CRCP: variants seen among roughly 807,000 people sequenced by gnomAD.
CRCP encodes the protein CGRP receptor component.
Under a neutral mutation model 18.5 loss-of-function variants are expected in CRCP, and 18 were observed. The ratio of observed to expected loss-of-function variants is 0.97; its 90% CI spans 0.67 to 1.44. The LOEUF (loss-of-function observed/expected upper bound fraction) is 1.44, where lower values mean the gene tolerates loss of function less well. Ranked by LOEUF, CRCP falls within the 40% of genes most tolerant of loss-of-function variation. CRCP has a pLI of 0.00. For missense variants in CRCP, 130 were observed against 176.4 expected (o/e 0.74, Z 1.49); for synonymous variants, 53 against 62.9 (o/e 0.84, Z 0.75).
intron 1 of CRCP, among the ~76,000 whole-genome samples, chr7:66,121,877 C>G (rs1787453045): frequency 6.6e-6 from 1 of 152,084 alleles, no homozygotes; most frequent in African/African-American, 2.4e-5. Flanking sequence ...AACTCAGTAA[C>G]AGGACTGGAA....
At position 66,114,878 on chromosome 7, in the gene CRCP, T is replaced by G. The variant is rs767753584; in HGVS notation, c.-85T>G. 6.2e-7 allele frequency: 1 copy of G among 1,608,308 alleles called. No individual in the cohort carries two copies. Among genetic ancestry groups the G allele is most frequent in the Non-Finnish European group, 8.5e-7 (1 of 1,175,620 alleles). On this transcript the variant is annotated 5_prime_UTR_variant, in exon 1 of 6. Coordinates refer to ENST00000395326, the MANE Select transcript of CRCP (RefSeq NM_014478.5). ...CACCTTGGCGCGCGGAGCTGGCACC[T>G]TGGCGCTGTTGGTGGCGGCGGAGAC...
chr7:66,146,839 A>C (rs967723008), intron 5 of CRCP, among the ~76,000 whole-genome samples: 2 of 152,180 alleles, frequency 1.3e-5, no homozygotes, highest in East Asian at 3.8e-4. Flanking sequence ...AGCTTAGAGG[A>C]GAGAAAAAAC....
At chr7:66,134,697 G>A (rs1787920832) in intron 4 of CRCP, among the ~76,000 whole-genome samples, 1 of 152,052 alleles carries the variant, frequency 6.6e-6, no homozygotes, top group East Asian at 1.9e-4. Flanking sequence ...TGGAAAAGAA[G>A]GCAAATTTAG....
intron 5 of CRCP, among the ~76,000 whole-genome samples, chr7:66,151,333 G>C (rs1788450502): frequency 6.6e-6 from 1 of 151,872 alleles, no homozygotes; most frequent in African/African-American, 2.4e-5. Context: ...ACTTTGGGAG[G>C]CCAAGGTGGG....
At position 66,152,453 on chromosome 7, in the gene CRCP, T is replaced by A. The variant is rs1788505323; in HGVS notation, c.*96T>A. ...ATTGTTTATTTGATTTTTATCCTCA[T>A]CCCAGCAGGCCTGGCTTTGTGGTTA... On this transcript the variant is annotated 3_prime_UTR_variant, in exon 6 of 6. Coordinates refer to ENST00000395326, the MANE Select transcript of CRCP (RefSeq NM_014478.5). 1 of 1,395,796 alleles carries A rather than the reference T, an allele frequency of 7.2e-7. No homozygotes were observed. Among genetic ancestry groups the A allele is most frequent in the African/African-American group, 1.4e-5 (1 of 70,070 alleles). The allele number at this position is 1,395,796 out of a possible 1,614,324, so 86.5% of individuals were successfully genotyped here.
intron 1 of CRCP, among the ~76,000 whole-genome samples, chr7:66,117,118 A>C (rs1281689175): frequency 3.1e-5 from 3 of 98,122 alleles, no homozygotes; most frequent in Non-Finnish European, 6.6e-5. Flanking sequence ...AGACTGTCTC[A>C]AAAAAAAAAA....
intron 1 of CRCP, 114 bp from the exon 2 acceptor site, chr7:66,127,590 G>A: frequency 8.6e-7 from 1 of 1,166,072 alleles, no homozygotes; most frequent in South Asian, 1.3e-5. Context: ...TTAGGTTGTA[G>A]TCCCTAAATT....
intron 5 of CRCP, among the ~76,000 whole-genome samples, chr7:66,146,400 G>A (rs567902158): frequency 2.0e-5 from 3 of 151,752 alleles, no homozygotes; most frequent in Non-Finnish European, 4.4e-5. Flanking sequence ...AGGGCAGAGA[G>A]CATCGGTACC....
Position 66,144,000 on chromosome 7 carries a change from G to A in CRCP, c.240-1443G>A, listed in dbSNP as rs115028060. On this transcript the variant is annotated intron_variant, in intron 4 of 5. Coordinates refer to ENST00000395326, the MANE Select transcript of CRCP (RefSeq NM_014478.5). ...CCCCCAACACATGGCTGCAGGAGTC[G>A]TGGCTTCTTCATGTTTTCACTCCAG... Among the ~76,000 whole-genome samples, 1,125 of 152,266 alleles carry A rather than the reference G, an allele frequency of 7.4e-3. 16 individuals carry two copies. Among genetic ancestry groups the A allele is most frequent in the African/African-American group, 0.024 (993 of 41,528 alleles).
chr7:66,121,281 G>A lies in CRCP; in HGVS notation c.8+6311G>A, dbSNP rs983245879. Among the ~76,000 whole-genome samples the A allele has an allele frequency of 1.2e-4, 18 of 151,838 alleles. No individual in the cohort carries two copies. In the South Asian group the frequency reaches 2.1e-3, roughly 18 times the overall value. On this transcript the variant is annotated intron_variant, in intron 1 of 5. Transcript: ENST00000395326. ...GGCCAGGCTGGTCTTGAACTCCTGA[G>A]CTCAGGTGATTCTACCGCCTCGGCC...
chr7:66,145,497 G>T lies in CRCP; in HGVS notation c.294G>T (p.Gln98His), dbSNP rs758882288. The T allele has an allele frequency of 1.3e-5, 21 of 1,614,008 alleles. No individual in the cohort carries two copies. The highest frequency in any genetic ancestry group is 1.6e-5 in the Non-Finnish European group (19 of 1,179,908). ...NHRPVTAVEI[Q>H]LMVEESEERL... ...GGCCTGTGACTGCTGTGGAGATCCA[G>T]CTGGTGAGTGAAGGGCGCCTGTGCT... Residue 98 changes from glutamine (Q) to histidine (H), a missense_variant, in exon 5 of 6, where the codon CAG becomes CAT. Gln to His is a conservative substitution (Grantham distance 24, BLOSUM62 0). Coordinates refer to ENST00000395326, the MANE Select transcript of CRCP (RefSeq NM_014478.5).
rs1458142121 is a variant in CRCP at position 66,153,373 on chromosome 7, A to T, written c.*1016A>T. On this transcript the variant is annotated 3_prime_UTR_variant, in exon 6 of 6. Coordinates refer to ENST00000395326, the MANE Select transcript of CRCP (RefSeq NM_014478.5). ...AGAATCGCTTGAACCCGGGAGGCAGAGGTTGAGGTGAGCCAAGATTGCACC... is the reference window on the plus strand; with the variant it reads ...AGAATCGCTTGAACCCGGGAGGCAGTGGTTGAGGTGAGCCAAGATTGCACC... 3 of 152,208 alleles carry T rather than the reference A, an allele frequency of 2.0e-5. No individual in the cohort carries two copies. Among genetic ancestry groups the T allele is most frequent in the African/African-American group, 7.2e-5 (3 of 41,422 alleles). The allele number at this position is 152,208 out of a possible 1,614,324, so 9.4% of individuals were successfully genotyped here.
chr7:66,137,805 A>T (rs1006912903), intron 4 of CRCP, among the ~76,000 whole-genome samples: 1 of 152,206 alleles, frequency 6.6e-6, no homozygotes, highest in Admixed American at 6.5e-5. Flanking sequence ...GTCCAGAGTT[A>T]ATATTTTACC....
At position 66,151,673 on chromosome 7, in the gene CRCP, C is replaced by CTGTGTGTGTGTG. The variant is rs1223890806; in HGVS notation, c.298-502_298-491dup. 4.3e-3 allele frequency among the ~76,000 whole-genome samples: 589 copies of CTGTGTGTGTGTG among 138,558 alleles called. 3 individuals are homozygous for CTGTGTGTGTGTG. The highest frequency in any genetic ancestry group is 7.4e-3 in the South Asian group (32 of 4,300). 90.9% of individuals were successfully genotyped at this position (138,558 alleles called of 152,430 possible). On this transcript the variant is annotated intron_variant, in intron 5 of 5. Transcript: ENST00000395326. ...TATGCAACCTGTTCACCACTTCTCT[C>CTGTGTGTGTGTG]TGTGTGTGTGTGTGTGTGTGTGTGT...
rs569286447 is a variant in CRCP, at chr7:66,149,827, G to A, written c.298-2381G>A. The stretch of plus-strand genomic sequence containing the variant: ...CCCCCACCTTTTTTTTCCCCAAAGA[G>A]AGTGGGTCTTACTCTGTCACCCAGG... On this transcript the variant is annotated intron_variant, in intron 5 of 5. Coordinates refer to ENST00000395326, the MANE Select transcript of CRCP (RefSeq NM_014478.5). Among the ~76,000 whole-genome samples the A allele has an allele frequency of 2.0e-5, 3 of 152,124 alleles. No individual in the cohort carries two copies. The East Asian group carries it at 5.9e-4, about 30-fold the overall frequency.
intron 1 of CRCP, among the ~76,000 whole-genome samples, chr7:66,116,283 C>T (rs921584147): frequency 3.3e-5 from 5 of 151,776 alleles, no homozygotes; most frequent in African/African-American, 1.2e-4. Flanking sequence ...TCACTTGAAC[C>T]TGGGAGGTGG....
chr7:66,140,884 A>G (rs1393734016), intron 4 of CRCP, among the ~76,000 whole-genome samples: 1 of 152,228 alleles, frequency 6.6e-6, no homozygotes, highest in Admixed American at 6.5e-5. Context: ...AAAACCTACA[A>G]ATACATAGGC....
Position 66,126,502 on chromosome 7 carries a change from G to A in CRCP, c.9-1202G>A, listed in dbSNP as rs145406283. On this transcript the variant is annotated intron_variant, in intron 1 of 5. Coordinates refer to ENST00000395326, the MANE Select transcript of CRCP (RefSeq NM_014478.5). ...TTTAGACTTCTTACTGTGTGACCTTGAGCAAGTTACTTAATTTCTGAGTCT... is the reference window on the plus strand; with the variant it reads ...TTTAGACTTCTTACTGTGTGACCTTAAGCAAGTTACTTAATTTCTGAGTCT... 3.2e-3 allele frequency: 906 copies of A among 282,366 alleles called. 29 individuals are homozygous for A. The highest frequency in any genetic ancestry group is 0.019 in the African/African-American group (825 of 44,352). The allele number at this position is 282,366 out of a possible 1,614,324, so 17.5% of individuals were successfully genotyped here.
chr7:66,123,599 T>G (rs968922829), intron 1 of CRCP, among the ~76,000 whole-genome samples: 1 of 151,742 alleles, frequency 6.6e-6, no homozygotes, highest in African/African-American at 2.4e-5. Flanking sequence ...AAATACAAAA[T>G]TAGCCAGGTG....
Sources: allele counts gnomAD v4.1 joint callset (sites outside exome capture counted in the v4.1 genomes callset), GRCh38; gene constraint gnomAD v4.1.1; transcripts MANE v1.5; gene names NCBI Gene and HGNC (gene_info 2026-07-23, HGNC 2026-07-21).